The following C8A variants were observed in gnomAD, a reference collection of about 807,000 sequenced individuals.
The protein encoded by C8A is complement component C8 alpha chain.
Under a neutral mutation model 65.3 loss-of-function variants are expected in C8A, and 67 were observed. The observed-to-expected ratio is 1.03, with a 90% confidence interval of 0.84 to 1.26. The LOEUF (loss-of-function observed/expected upper bound fraction) is 1.26, where lower values mean the gene tolerates loss of function less well. Ranked by LOEUF, C8A falls within the 50% of genes most tolerant of loss-of-function variation. The pLI is 0.00. For missense variants in C8A, 781 were observed against 723.9 expected (o/e 1.08, Z -0.90); for synonymous variants, 290 against 259.4 (o/e 1.12, Z -1.13).
At chr1:56,884,563 C>G (rs1644274685) in intron 6 of C8A, among the ~76,000 whole-genome samples, 1 of 152,062 alleles carries the variant, frequency 6.6e-6, no homozygotes, top group Non-Finnish European at 1.5e-5. Context: ...AAAGAATTAG[C>G]TATTGAGCTG....
intron 7 of C8A, among the ~76,000 whole-genome samples, chr1:56,887,898 C>T (rs1644313559): frequency 6.6e-6 from 1 of 152,106 alleles, no homozygotes; most frequent in South Asian, 2.1e-4. Context: ...AAACCAAACA[C>T]CACAGGTTCT....
At chr1:56,911,520 T>A in intron 9 of C8A, among the ~76,000 whole-genome samples, 1 of 152,182 alleles carries the variant, frequency 6.6e-6, no homozygotes, top group African/African-American at 2.4e-5. Flanking sequence ...GGCAATTGTT[T>A]CCCCCAAGGA....
At chr1:56,915,805 C>T (rs1479754033) in intron 10 of C8A, among the ~76,000 whole-genome samples, 1 of 152,132 alleles carries the variant, frequency 6.6e-6, no homozygotes, top group Admixed American at 6.5e-5. Context: ...AAACATTACA[C>T]CCTACTGAGT....
At chr1:56,899,362 C>T (rs1043877047) in intron 7 of C8A, among the ~76,000 whole-genome samples, 1 of 152,182 alleles carries the variant, frequency 6.6e-6, no homozygotes, top group South Asian at 2.1e-4. Flanking sequence ...GGTCTTTGGA[C>T]ACAGGCCTTG....
chr1:56,916,911 G>A (rs1444973437), intron 10 of C8A, among the ~76,000 whole-genome samples: 1 of 152,216 alleles, frequency 6.6e-6, no homozygotes, highest in African/African-American at 2.4e-5. Flanking sequence ...TCCATTGCCA[G>A]AATCTGAGGG....
chr1:56,888,605 A>G (rs975905440), intron 7 of C8A, among the ~76,000 whole-genome samples: 1 of 152,210 alleles, frequency 6.6e-6, no homozygotes, highest in South Asian at 2.1e-4. Context: ...TTTCCAGTTA[A>G]ATAAAAACAT....
chr1:56,858,517 C>A (rs1257469378), intron 1 of C8A, among the ~76,000 whole-genome samples: 1 of 152,116 alleles, frequency 6.6e-6, no homozygotes, highest in Non-Finnish European at 1.5e-5. Context: ...TAAAGTTTTT[C>A]TTTTTGCTAA....
At chr1:56,855,304 T>C (rs1208655000) in intron 1 of C8A, among the ~76,000 whole-genome samples, 1 of 152,110 alleles carries the variant, frequency 6.6e-6, no homozygotes, top group Non-Finnish European at 1.5e-5. Context: ...TAAAATAAGA[T>C]CCTGAATATA....
chr1:56,917,673 G>C lies in C8A; in HGVS notation c.1712G>C (p.Gly571Ala). Residue 571 changes from glycine (G) to alanine (A), a missense_variant, in exon 11 of 11, where the codon GGG becomes GCG. Transcript: ENST00000361249. ...GACAATCCAGCACCTCAGAATGGAGGGGCCTCGTGTCCAGGGCGGAAAGTA... is the reference window on the plus strand; with the variant it reads ...GACAATCCAGCACCTCAGAATGGAGCGGCCTCGTGTCCAGGGCGGAAAGTA... ...ECDNPAPQNG[G>A]ASCPGRKVQT... The C allele has an allele frequency of 6.2e-7, 1 of 1,614,214 alleles. No individual in the cohort carries two copies. The highest frequency in any genetic ancestry group is 1.1e-5 in the South Asian group (1 of 91,080).
In C8A at chr1:56,867,049, A is replaced by G. The variant is rs78587242; in HGVS notation, c.78-560A>G. Among the ~76,000 whole-genome samples, 123 of 152,296 alleles carry G rather than the reference A, an allele frequency of 8.1e-4. 2 individuals are homozygous for G. In the East Asian group the frequency reaches 0.019, roughly 23 times the overall value. On this transcript the variant is annotated intron_variant, in intron 1 of 10. Transcript: ENST00000361249. Reference sequence around the variant, plus strand: ...GATCTAATAATATTTATCTCCAAGGATTGTTATAGAGATTAAATGAGATAA... The same window carrying G: ...GATCTAATAATATTTATCTCCAAGGGTTGTTATAGAGATTAAATGAGATAA...
chr1:56,905,567 T>C (rs1317128612), intron 7 of C8A, among the ~76,000 whole-genome samples: 1 of 152,204 alleles, frequency 6.6e-6, no homozygotes, highest in Non-Finnish European at 1.5e-5. Context: ...ATCACAGAGT[T>C]TGCTGTTTAA....
At chr1:56,879,169 C>A (rs1557702720) in intron 4 of C8A, among the ~76,000 whole-genome samples, 1 of 152,042 alleles carries the variant, frequency 6.6e-6, no homozygotes, top group Non-Finnish European at 1.5e-5. Flanking sequence ...TACTATCTGG[C>A]TCTTTATTAA....
At chr1:56,891,077 T>A (rs1304986274) in intron 7 of C8A, among the ~76,000 whole-genome samples, 1 of 152,128 alleles carries the variant, frequency 6.6e-6, no homozygotes, top group African/African-American at 2.4e-5. Flanking sequence ...ATGAACAAGT[T>A]GTAAAAACAG....
At chr1:56,889,518 T>C (rs1644328171) in intron 7 of C8A, among the ~76,000 whole-genome samples, 1 of 151,964 alleles carries the variant, frequency 6.6e-6, no homozygotes, top group Non-Finnish European at 1.5e-5. Flanking sequence ...CTAGGTACCT[T>C]TCTCTCTCTC....
At chr1:56,856,571 A>C (rs887411656) in intron 1 of C8A, among the ~76,000 whole-genome samples, 1 of 152,138 alleles carries the variant, frequency 6.6e-6, no homozygotes, top group African/African-American at 2.4e-5. Context: ...TTTTTAAGTA[A>C]TAGCACTCTT....
intron 7 of C8A, among the ~76,000 whole-genome samples, chr1:56,904,572 G>C (rs763281402): frequency 2.6e-5 from 4 of 152,170 alleles, no homozygotes; most frequent in Admixed American, 6.5e-5. Context: ...CAATAACTGA[G>C]ATTAGTAAAA....
chr1:56,917,874 A>T lies in C8A; in HGVS notation c.*158A>T. On this transcript the variant is annotated 3_prime_UTR_variant, in exon 11 of 11. Coordinates refer to ENST00000361249, the MANE Select transcript of C8A (RefSeq NM_000562.3). ...CCTAAGACTAGGTTTTGCTGTCTAC[A>T]GCCAACTATTCTATTAGTTACAAAA... 1.3e-6 allele frequency: 1 copy of T among 778,460 alleles called. No individual in the cohort carries two copies. The highest frequency in any genetic ancestry group is 2.1e-6 in the Non-Finnish European group (1 of 479,296). 48.2% of individuals were successfully genotyped at this position (778,460 alleles called of 1,614,324 possible). A position where few individuals can be genotyped will look rare whatever the true frequency, so the allele number is the denominator to read the frequency against.
chr1:56,884,229 G>T (rs545977975), intron 6 of C8A, among the ~76,000 whole-genome samples: 1 of 152,152 alleles, frequency 6.6e-6, no homozygotes, highest in Non-Finnish European at 1.5e-5. Context: ...ACAAAAGTTG[G>T]CAGAAAGGTG....
At chr1:56,868,088 C>T (rs578073071) in intron 2 of C8A, among the ~76,000 whole-genome samples, 8 of 152,028 alleles carry the variant, frequency 5.3e-5, no homozygotes, top group Non-Finnish European at 1.2e-4. Context: ...CAAGGGATAT[C>T]CCAGAGTGTG....
Sources: allele counts gnomAD v4.1 joint callset (sites outside exome capture counted in the v4.1 genomes callset), GRCh38; gene constraint gnomAD v4.1.1; transcripts MANE v1.5; gene names NCBI Gene and HGNC (gene_info 2026-07-23, HGNC 2026-07-21).